The following MBD5 variants were observed in gnomAD, a reference collection of about 807,000 sequenced individuals.
MBD5 encodes methyl-CpG-binding domain protein 5.
In MBD5, 13 loss-of-function variants were observed where a neutral mutation model predicts 117.3. That is an observed-to-expected ratio of 0.11 (90% CI 0.07 to 0.18). MBD5 has a LOEUF of 0.18. Among genes scored for constraint, MBD5 ranks in the 10% least tolerant of loss-of-function variants. MBD5 has a pLI of 1.00. For missense variants in MBD5, 1,879 were observed against 2,093.8 expected (o/e 0.90, Z 2.00); for synonymous variants, 727 against 766.4 (o/e 0.95, Z 0.85).
chr2:148,151,809 G>C (rs542271480), intron 1 of MBD5, among the ~76,000 whole-genome samples: 2 of 151,546 alleles, frequency 1.3e-5, no homozygotes, highest in African/African-American at 4.9e-5. Flanking sequence ...ATTTTTTATT[G>C]CGTCTATTTG....
intron 4 of MBD5, among the ~76,000 whole-genome samples, chr2:148,369,718 T>A (rs1054626847): frequency 6.6e-6 from 1 of 152,168 alleles, no homozygotes; most frequent in Non-Finnish European, 1.5e-5. Flanking sequence ...TAGCTTTTGG[T>A]ATACTCCTGT....
At chr2:148,138,979 T>G (rs961985582) in intron 1 of MBD5, among the ~76,000 whole-genome samples, 3 of 152,234 alleles carry the variant, frequency 2.0e-5, no homozygotes, top group African/African-American at 7.2e-5. Context: ...TGTTGTGTTT[T>G]GTTTCTTTTT....
chr2:148,248,003 A>G (rs1249055911), intron 3 of MBD5, among the ~76,000 whole-genome samples: 1 of 152,096 alleles, frequency 6.6e-6, no homozygotes, highest in Non-Finnish European at 1.5e-5. Context: ...ACAAACACAA[A>G]CCCTACATAA....
chr2:148,182,192 T>C (rs1321449687), intron 2 of MBD5, among the ~76,000 whole-genome samples: 1 of 152,130 alleles, frequency 6.6e-6, no homozygotes, highest in African/African-American at 2.4e-5. Context: ...ATTTACCAGA[T>C]TAAGAAAGGT....
intron 1 of MBD5, among the ~76,000 whole-genome samples, chr2:148,075,728 A>G (rs1045825647): frequency 6.6e-6 from 1 of 151,890 alleles, no homozygotes; most frequent in Non-Finnish European, 1.5e-5. Flanking sequence ...GTGTTTCTGA[A>G]TCTATAGGCG....
At chr2:148,054,618 A>G (rs1305971843) in intron 1 of MBD5, 2 of 152,214 alleles carry the variant, frequency 1.3e-5, no homozygotes, top group East Asian at 1.9e-4. Context: ...ATCCAAGTAC[A>G]TGATCACTTT....
At chr2:148,290,463 A>G (rs1375037113) in intron 3 of MBD5, among the ~76,000 whole-genome samples, 4 of 152,104 alleles carry the variant, frequency 2.6e-5, no homozygotes, top group East Asian at 1.9e-4. Flanking sequence ...CAAATTCACC[A>G]TTGCACTGCC....
intron 8 of MBD5, among the ~76,000 whole-genome samples, chr2:148,478,428 CA>C (rs1411405474): frequency 6.6e-6 from 1 of 152,040 alleles, no homozygotes; most frequent in Non-Finnish European, 1.5e-5. Context: ...ACTAAAAATA[CA>C]AAAGTTAGCC....
chr2:148,287,831 G>A (rs1459462631), intron 3 of MBD5, among the ~76,000 whole-genome samples: 3 of 152,048 alleles, frequency 2.0e-5, no homozygotes, highest in African/African-American at 7.2e-5. Flanking sequence ...ATTCATTTAT[G>A]AGGGCAGACC....
Position 148,232,789 on chromosome 2 carries a change from A to T in MBD5, c.-830-456A>T, listed in dbSNP as rs188040329. Among the ~76,000 whole-genome samples, 836 of 152,166 alleles carry T rather than the reference A, an allele frequency of 5.5e-3. 3 individuals carry two copies. The highest frequency in any genetic ancestry group is 9.3e-3 in the Non-Finnish European group (630 of 68,018). On this transcript the variant is annotated intron_variant, in intron 2 of 13. Transcript: ENST00000642680. Reference sequence around the variant, plus strand: ...TCTGTTGCGTGAATGGTATGCTATGAATTGATAATCTAAATATTTTGGTTT... The same window carrying T: ...TCTGTTGCGTGAATGGTATGCTATGTATTGATAATCTAAATATTTTGGTTT...
intron 11 of MBD5, among the ~76,000 whole-genome samples, chr2:148,497,796 A>AG (rs1458459443): frequency 1.3e-5 from 2 of 152,048 alleles, no homozygotes; most frequent in African/African-American, 2.4e-5. Context: ...TAAAAAAAAA[A>AG]AAAAAAACTA....
At position 148,308,100 on chromosome 2, in the gene MBD5, A is replaced by AT. The variant is rs543392647; in HGVS notation, c.-679-34113dup. Among the ~76,000 whole-genome samples the AT allele has an allele frequency of 2.2e-4, 34 of 152,310 alleles. No individual in the cohort carries two copies. In the East Asian group the frequency reaches 6.4e-3, roughly 29 times the overall value. On this transcript the variant is annotated intron_variant, in intron 3 of 13. Transcript: ENST00000642680. ...TATTGTGAACAGTGCTGCAGTAAACATATGTGTGCATGTGTCCTTATAATA... is the reference window on the plus strand; with the variant it reads ...TATTGTGAACAGTGCTGCAGTAAACATTATGTGTGCATGTGTCCTTATAATA...
intron 1 of MBD5, among the ~76,000 whole-genome samples, chr2:148,164,384 C>G (rs1314234668): frequency 6.6e-6 from 1 of 151,854 alleles, no homozygotes; most frequent in Admixed American, 6.6e-5. Flanking sequence ...ATGGAGGTGT[C>G]TTGGTGGGGG....
chr2:148,249,942 A>G (rs1314570244), intron 3 of MBD5, among the ~76,000 whole-genome samples: 1 of 152,150 alleles, frequency 6.6e-6, no homozygotes, highest in Non-Finnish European at 1.5e-5. Context: ...AGTATTATAT[A>G]AAATGTAAAT....
chr2:148,102,555 C>G lies in MBD5; in HGVS notation c.-924-76145C>G, dbSNP rs183063320. Among the ~76,000 whole-genome samples the G allele has an allele frequency of 2.1e-3, 317 of 152,192 alleles. 2 individuals carry two copies. The highest frequency in any genetic ancestry group is 6.8e-3 in the Middle Eastern group (2 of 294). Reference sequence around the variant, plus strand: ...GGCCATATCTCCCTAATTCCAAATACTGTGTTCTTTCGGTGGTATCAGTAT... The same window carrying G: ...GGCCATATCTCCCTAATTCCAAATAGTGTGTTCTTTCGGTGGTATCAGTAT... On this transcript the variant is annotated intron_variant, in intron 1 of 13. Coordinates refer to ENST00000642680, the MANE Select transcript of MBD5 (RefSeq NM_001378120.1).
intron 1 of MBD5, among the ~76,000 whole-genome samples, chr2:148,094,070 A>T (rs1488009709): frequency 6.6e-6 from 1 of 152,198 alleles, no homozygotes; most frequent in Non-Finnish European, 1.5e-5. Context: ...TCACATGGTT[A>T]TAAGTGGCAG....
rs34560513 is a variant in MBD5, at chr2:148,274,725, GTTT to G, written c.-680+41342_-680+41344del. 1.0e-3 allele frequency among the ~76,000 whole-genome samples: 145 copies of G among 143,924 alleles called. 1 individual carries two copies. Among genetic ancestry groups the G allele is most frequent in the Non-Finnish European group, 1.0e-3 (69 of 66,346 alleles). 94.4% of individuals were successfully genotyped at this position (143,924 alleles called of 152,430 possible). The stretch of plus-strand genomic sequence containing the variant: ...ACTTAAAAATTAATTGAGTTTTTTT[GTTT>G]TTTTTTTTTTTGAGACAGAGTTTCG... On this transcript the variant is annotated intron_variant, in intron 3 of 13. Coordinates refer to ENST00000642680, the MANE Select transcript of MBD5 (RefSeq NM_001378120.1).
Position 148,417,259 on chromosome 2 carries a change from T to C in MBD5, c.-556-40944T>C, listed in dbSNP as rs115248428. ...CACCTCAGCTTCCTGAGTATCTGGG[T>C]CTACAGACATGTGCCACCATGCACA... On this transcript the variant is annotated intron_variant, in intron 4 of 13. Coordinates refer to ENST00000642680, the MANE Select transcript of MBD5 (RefSeq NM_001378120.1). Among the ~76,000 whole-genome samples the C allele has an allele frequency of 8.9e-3, 1,347 of 150,634 alleles. 23 individuals are homozygous for C. Among genetic ancestry groups the C allele is most frequent in the African/African-American group, 0.03 (1,228 of 41,060 alleles).
chr2:148,229,913 T>C (rs772184155), intron 2 of MBD5, among the ~76,000 whole-genome samples: 89 of 152,142 alleles, frequency 5.8e-4, no homozygotes, highest in Admixed American at 2.0e-4. Flanking sequence ...TCTCTCTCTC[T>C]CTGTTCTAGG....
Sources: allele counts gnomAD v4.1 joint callset (sites outside exome capture counted in the v4.1 genomes callset), GRCh38; gene constraint gnomAD v4.1.1; transcripts MANE v1.5; gene names NCBI Gene and HGNC (gene_info 2026-07-23, HGNC 2026-07-21).